The following FST variants were observed in gnomAD, a reference collection of about 807,000 sequenced individuals.
The protein encoded by FST is activin-binding protein.
In FST, 6 loss-of-function variants were observed where a neutral mutation model predicts 38.4. The observed-to-expected ratio is 0.16, with a 90% confidence interval of 0.09 to 0.31. FST has a LOEUF of 0.31. FST is among the 10% of genes least tolerant of loss of function. The pLI is 1.00. For missense variants in FST, 301 were observed against 432.3 expected (o/e 0.70, Z 2.69); for synonymous variants, 157 against 169.8 (o/e 0.92, Z 0.59).
intron 5 of FST, chr5:53,485,679 A>G (rs746056889): frequency 6.3e-7 from 1 of 1,583,158 alleles, no homozygotes; most frequent in South Asian, 1.1e-5. Context: ...CTTTTTATCT[A>G]ATTTCAGGAA....
chr5:53,481,473 A>AAAAAAAAAAAC (rs1747205198), intron 1 of FST, among the ~76,000 whole-genome samples: 1 of 149,608 alleles, frequency 6.7e-6, no homozygotes, highest in Non-Finnish European at 1.5e-5. Flanking sequence ...AAAAAAAAAA[A>AAAAAAAAAAAC]AAAAAAAAAA....
Position 53,486,072 on chromosome 5 carries a change from CAAA to C in FST, c.*58_*60del, listed in dbSNP as rs3083659. On this transcript the variant is annotated 3_prime_UTR_variant, in exon 6 of 6. Coordinates refer to ENST00000256759, the MANE Select transcript of FST (RefSeq NM_013409.3). ...GTTCAGTGTTGACATAGCCTTTGTG[CAAA>C]AAAAAAAAAAAAAAAAAAGAAAAAG... 0.037 allele frequency: 9,685 copies of C among 260,718 alleles called. No individual in the cohort carries two copies. Among genetic ancestry groups the C allele is most frequent in the East Asian group, 0.055 (747 of 13,554 alleles). The allele number at this position is 260,718 out of a possible 1,614,324, so 16.2% of individuals were successfully genotyped here. A position where few individuals can be genotyped will look rare whatever the true frequency, so the allele number is the denominator to read the frequency against.
At chr5:53,484,498 C>T (rs1747430861) in intron 4 of FST, among the ~76,000 whole-genome samples, 1 of 152,166 alleles carries the variant, frequency 6.6e-6, no homozygotes, top group African/African-American at 2.4e-5. Context: ...ATTCAAATGC[C>T]AGCAGGAAGC....
Position 53,483,429 on chromosome 5 carries a change from G to A in FST, c.278-75G>A. ...ACTCAGGGCTGCATGATTGCGCAAGGCACCCGAAGCCCTCCTGGCTGACCT... is the reference window on the plus strand; with the variant it reads ...ACTCAGGGCTGCATGATTGCGCAAGACACCCGAAGCCCTCCTGGCTGACCT... On this transcript the variant is annotated intron_variant, in intron 2 of 5. Transcript: ENST00000256759. This position sits in a 1 kb window ranked among gnomAD's most constrained non-coding sequence, Gnocchi z 4.1. The A allele has an allele frequency of 8.7e-7, 1 of 1,154,468 alleles. No homozygotes were observed. The highest frequency in any genetic ancestry group is 1.3e-6 in the Non-Finnish European group (1 of 780,186). 71.5% of individuals were successfully genotyped at this position (1,154,468 alleles called of 1,614,324 possible). A position where few individuals can be genotyped will look rare whatever the true frequency, so the allele number is the denominator to read the frequency against.
chr5:53,486,135 A>T lies in FST; in HGVS notation c.*102A>T. The stretch of plus-strand genomic sequence containing the variant: ...AAAATATATTGTCCATACTGTAAAT[A>T]AGTGTATGCTTATTTATTTGGGGGG... On this transcript the variant is annotated 3_prime_UTR_variant, in exon 6 of 6. Transcript: ENST00000256759. 1.6e-6 allele frequency: 1 copy of T among 620,550 alleles called. No homozygotes were observed. The highest frequency in any genetic ancestry group is 3.1e-5 in the East Asian group (1 of 32,152). The allele number at this position is 620,550 out of a possible 1,614,324, so 38.4% of individuals were successfully genotyped here. A position where few individuals can be genotyped will look rare whatever the true frequency, so the allele number is the denominator to read the frequency against.
intron 4 of FST, 47 bp downstream of exon 4, chr5:53,484,340 CTAT>C (rs374489531): frequency 2.9e-4 from 465 of 1,579,292 alleles, no homozygotes; most frequent in Non-Finnish European, 3.8e-4. Flanking sequence ...CAGGCTAGTT[CTAT>C]TATTAAACTG....
At position 53,486,407 on chromosome 5, in the gene FST, C is replaced by T. The variant is rs1747552715; in HGVS notation, c.*374C>T. 5 of 156,972 alleles carry T rather than the reference C, an allele frequency of 3.2e-5. No homozygotes were observed. Among genetic ancestry groups the T allele is most frequent in the African/African-American group, 1.2e-4 (5 of 41,660 alleles). The allele number at this position is 156,972 out of a possible 1,614,324, so 9.7% of individuals were successfully genotyped here. A position where few individuals can be genotyped will look rare whatever the true frequency, so the allele number is the denominator to read the frequency against. ...GCAGTTGTTATTTATTGTGAGGTCTCTTGCTTGTAAAGTAAAAGCTTTTTT... is the reference window on the plus strand; with the variant it reads ...GCAGTTGTTATTTATTGTGAGGTCTTTTGCTTGTAAAGTAAAAGCTTTTTT... On this transcript the variant is annotated 3_prime_UTR_variant, in exon 6 of 6. Coordinates refer to ENST00000256759, the MANE Select transcript of FST (RefSeq NM_013409.3).
At chr5:53,484,004 T>A in intron 3 of FST, 65 bp from the exon 4 acceptor site, 1 of 1,375,862 alleles carries the variant, frequency 7.3e-7, no homozygotes, top group Non-Finnish European at 1.0e-6. Context: ...CCTTGGTAAC[T>A]TCAAGTGCTC....
intron 5 of FST, 50 bp downstream of exon 5, chr5:53,485,277 C>G (rs563493450): frequency 3.7e-5 from 37 of 988,360 alleles, no homozygotes; most frequent in Non-Finnish European, 5.7e-5. Context: ...CCCAGGCAAT[C>G]CCTAGGGAAT....
chr5:53,480,842 G>A lies in FST; in HGVS notation c.51G>A (p.Leu17=). Residue 17 remains leucine (L), a synonymous_variant, in exon 1 of 6, where the codon CTG becomes CTA. Transcript: ENST00000256759. The stretch of plus-strand genomic sequence containing the variant: ...GTGGGCTTTGCCTCCTGCTGCTGCT[G>A]CTCTGCCAGTTCATGGAGGACCGCA... The part of the protein sequence containing the change: ...QPGGLCLLLL[L]LCQFMEDRSA... 6.5e-7 allele frequency: 1 copy of A among 1,534,418 alleles called. No homozygotes were observed. Among genetic ancestry groups the A allele is most frequent in the South Asian group, 1.2e-5 (1 of 82,170 alleles).
chr5:53,483,072 G>A lies in FST; in HGVS notation c.277+1G>A. 6.2e-7 allele frequency: 1 copy of A among 1,606,668 alleles called. No individual in the cohort carries two copies. ...GCCCCCAACTGCATCCCCTGTAAAG[G>A]TAGGACTCCTTCTTCCCAACTTGCA... On this transcript the variant is annotated splice_donor_variant, in intron 2 of 5. Coordinates refer to ENST00000256759, the MANE Select transcript of FST (RefSeq NM_013409.3). LOFTEE classifies it high-confidence loss of function. This position sits in a 1 kb window ranked among gnomAD's most constrained non-coding sequence, Gnocchi z 4.1.
In FST at chr5:53,486,110, A is replaced by C; in HGVS notation, c.*77A>C. 1 of 767,728 alleles carries C rather than the reference A, an allele frequency of 1.3e-6. No individual in the cohort carries two copies. Among genetic ancestry groups the C allele is most frequent in the South Asian group, 1.8e-5 (1 of 54,988 alleles). 47.6% of individuals were successfully genotyped at this position (767,728 alleles called of 1,614,324 possible). A position where few individuals can be genotyped will look rare whatever the true frequency, so the allele number is the denominator to read the frequency against. On this transcript the variant is annotated 3_prime_UTR_variant, in exon 6 of 6. Transcript: ENST00000256759. ...AAAAAAAAAGAAAAAGAAAAAAAGA[A>C]AAATATATTGTCCATACTGTAAATA...
rs1359361284 is a variant in FST at position 53,485,813 on chromosome 5, G to C, written c.953-138G>C. The C allele has an allele frequency of 5.0e-6, 8 of 1,595,102 alleles. No homozygotes were observed. In the East Asian group the frequency reaches 1.6e-4, roughly 31 times the overall value. The stretch of plus-strand genomic sequence containing the variant: ...ACAGCAGATGCCAAAAACAAAAAAA[G>C]CATCTCACTGCAAGTCACATAAAAA... On this transcript the variant is annotated intron_variant, in intron 5 of 5. Coordinates refer to ENST00000256759, the MANE Select transcript of FST (RefSeq NM_013409.3).
chr5:53,484,030 G>T (rs1217696136), intron 3 of FST, 39 bp from the exon 4 acceptor site: 5 of 1,580,392 alleles, frequency 3.2e-6, no homozygotes, highest in Non-Finnish European at 4.3e-6. Context: ...CTAAGGACTA[G>T]AAGGTACCTA....
chr5:53,480,871 C>A lies in FST; in HGVS notation c.80C>A (p.Ala27Asp). The A allele has an allele frequency of 6.6e-7, 1 of 1,520,890 alleles. No individual in the cohort carries two copies. The highest frequency in any genetic ancestry group is 8.9e-7 in the Non-Finnish European group (1 of 1,127,150). 94.2% of individuals were successfully genotyped at this position (1,520,890 alleles called of 1,614,324 possible). The change falls in exon 1 of 6, where the codon GCC becomes GAC. Residue 27 changes from alanine (A) to aspartate (D), a missense_variant. Physicochemically the swap from Ala to Asp is moderately radical, Grantham distance 126. Transcript: ENST00000256759. ...TGCCAGTTCATGGAGGACCGCAGTG[C>A]CCAGGGTAAGCGAGTGGGGATGCGC... is the stretch of plus-strand genomic sequence containing the variant. Reference protein sequence around the residue: ...LLCQFMEDRSAQAGNCWLRQA... With the variant: ...LLCQFMEDRSDQAGNCWLRQA...
Position 53,483,580 on chromosome 5 carries a change from C to T in FST, c.354C>T (p.Cys118=), listed in dbSNP as rs200966973. 2.5e-6 allele frequency: 4 copies of T among 1,614,156 alleles called. No individual in the cohort carries two copies. The highest frequency in any genetic ancestry group is 1.3e-5 in the African/African-American group (1 of 75,036). ...MNKKNKPRCV[C]APDCSNITWK... ...AGAAGAACAAACCCCGCTGCGTCTG[C>T]GCCCCGGATTGTTCCAACATCACCT... The change falls in exon 3 of 6, where the codon TGC becomes TGT. Residue 118 remains cysteine (C), a synonymous_variant. Coordinates refer to ENST00000256759, the MANE Select transcript of FST (RefSeq NM_013409.3). The surrounding 1 kb of genome is among the most constrained non-coding windows in gnomAD (Gnocchi z 4.1).
chr5:53,486,091 A>T lies in FST; in HGVS notation c.*58A>T. ...TTTGTGCAAAAAAAAAAAAAAAAAA[A>T]AAGAAAAAGAAAAAAAGAAAAATAT... On this transcript the variant is annotated 3_prime_UTR_variant, in exon 6 of 6. Coordinates refer to ENST00000256759, the MANE Select transcript of FST (RefSeq NM_013409.3). 1.1e-6 allele frequency: 1 copy of T among 891,940 alleles called. No homozygotes were observed. Among genetic ancestry groups the T allele is most frequent in the South Asian group, 1.7e-5 (1 of 58,536 alleles). 55.3% of individuals were successfully genotyped at this position (891,940 alleles called of 1,614,324 possible).
chr5:53,481,235 G>C (rs898435651), intron 1 of FST, among the ~76,000 whole-genome samples: 5 of 150,660 alleles, frequency 3.3e-5, no homozygotes, highest in African/African-American at 1.2e-4. Flanking sequence ...CCCATTTGCA[G>C]TCTCATCTCT....
Position 53,484,338 on chromosome 5 carries a change from T to C in FST, c.721+45T>C, listed in dbSNP as rs779469966. The C allele has an allele frequency of 1.9e-6, 3 of 1,583,862 alleles. No individual in the cohort carries two copies. The South Asian group carries it at 3.4e-5, about 18-fold the overall frequency. On this transcript the variant is annotated intron_variant, in intron 4 of 5. Coordinates refer to ENST00000256759, the MANE Select transcript of FST (RefSeq NM_013409.3). Reference sequence around the variant, plus strand: ...GAAGGAAAAAGAGAAAACAGGCTAGTTCTATTATTAAACTGTGGGGTTAAC... The same window carrying C: ...GAAGGAAAAAGAGAAAACAGGCTAGCTCTATTATTAAACTGTGGGGTTAAC...
Sources: allele counts gnomAD v4.1 joint callset (sites outside exome capture counted in the v4.1 genomes callset), GRCh38; gene constraint gnomAD v4.1.1; non-coding constraint Gnocchi (gnomAD v3.1); transcripts MANE v1.5; gene names NCBI Gene and HGNC (gene_info 2026-07-23, HGNC 2026-07-21).